The following HAUS6 variants were observed in gnomAD, a reference collection of about 807,000 sequenced individuals.
HAUS6 encodes the protein HAUS augmin-like complex subunit 6.
Under a neutral mutation model 106.8 loss-of-function variants are expected in HAUS6, and 80 were observed. That is an observed-to-expected ratio of 0.75 (90% CI 0.63 to 0.90). The LOEUF is 0.90. HAUS6 is among the 40% of genes least tolerant of loss of function. The pLI is 0.00. For missense variants in HAUS6, 1,155 were observed against 1,118.1 expected (o/e 1.03, Z -0.47); for synonymous variants, 356 against 379.1 (o/e 0.94, Z 0.71).
chr9:19,062,341 A>C (rs1035194909), intron 14 of HAUS6, among the ~76,000 whole-genome samples: 2 of 152,214 alleles, frequency 1.3e-5, no homozygotes, highest in South Asian at 2.1e-4. Flanking sequence ...GCAACAAACA[A>C]CACTGACAAA....
At chr9:19,077,392 G>A (rs561771418) in intron 10 of HAUS6, among the ~76,000 whole-genome samples, 126 of 152,220 alleles carry the variant, frequency 8.3e-4, no homozygotes, top group Non-Finnish European at 1.1e-3. Flanking sequence ...AAAATTAGCC[G>A]AGCGTGGTGG....
intron 1 of HAUS6, among the ~76,000 whole-genome samples, chr9:19,097,530 C>A (rs1817889986): frequency 6.6e-6 from 1 of 151,892 alleles, no homozygotes; most frequent in Admixed American, 6.6e-5. Context: ...CAGAGAAATG[C>A]AAATCAAAAC....
At chr9:19,081,658 T>A (rs1334832357) in intron 8 of HAUS6, among the ~76,000 whole-genome samples, 3 of 152,100 alleles carry the variant, frequency 2.0e-5, no homozygotes. Flanking sequence ...CAGGCTGGTC[T>A]CAATACCTGA....
intron 11 of HAUS6, among the ~76,000 whole-genome samples, chr9:19,075,568 T>C (rs550338175): frequency 5.3e-5 from 8 of 151,546 alleles, no homozygotes; most frequent in Non-Finnish European, 1.2e-4. Context: ...TTAAAAACAG[T>C]GCAAGTGAAA....
chr9:19,066,254 C>A (rs962161944), intron 12 of HAUS6, among the ~76,000 whole-genome samples: 2 of 151,530 alleles, frequency 1.3e-5, no homozygotes, highest in African/African-American at 2.4e-5. Context: ...ATTTATATAT[C>A]GTGGTATACA....
At chr9:19,072,936 T>A (rs1444045345) in intron 11 of HAUS6, among the ~76,000 whole-genome samples, 2 of 152,096 alleles carry the variant, frequency 1.3e-5, no homozygotes, top group Admixed American at 6.6e-5. Flanking sequence ...CCTCCCTGGA[T>A]CCTTGTTTGA....
At chr9:19,086,856 G>C (rs1837307948) in intron 6 of HAUS6, 74 bp from the exon 7 acceptor site, 3 of 703,042 alleles carry the variant, frequency 4.3e-6, no homozygotes, top group South Asian at 3.4e-5. Flanking sequence ...GAGCTAATTA[G>C]TCTGCAAATC....
intron 14 of HAUS6, among the ~76,000 whole-genome samples, chr9:19,061,278 CCT>C (rs1836612401): frequency 6.6e-6 from 1 of 152,166 alleles, no homozygotes; most frequent in African/African-American, 2.4e-5. Context: ...CTAAATATCC[CCT>C]GTCATAAACA....
chr9:19,089,428 AT>A lies in HAUS6; in HGVS notation c.567del (p.Lys189AsnfsTer16). ...ILQRQDCVTQ[K>X]YQENAQLSVK... Reference sequence around the variant, plus strand: ...ACTACTTACTGTGCATTTTCCTGATATTTTTGGGTAACACAATCTTGTCTTT... The same window carrying A: ...ACTACTTACTGTGCATTTTCCTGATATTTTGGGTAACACAATCTTGTCTTT... On this transcript the variant is annotated frameshift_variant, in exon 5 of 17. Transcript: ENST00000380502. LOFTEE classifies it high-confidence loss of function. The A allele has an allele frequency of 6.2e-7, 1 of 1,609,050 alleles. No individual in the cohort carries two copies. Among genetic ancestry groups the A allele is most frequent in the Non-Finnish European group, 8.5e-7 (1 of 1,175,428 alleles).
intron 7 of HAUS6, among the ~76,000 whole-genome samples, chr9:19,085,859 T>C (rs774082202): frequency 6.6e-6 from 1 of 152,018 alleles, no homozygotes; most frequent in African/African-American, 2.4e-5. Context: ...GGGTGGAGAA[T>C]TTCAAATTAA....
chr9:19,081,385 T>C (rs1233481918), intron 8 of HAUS6, among the ~76,000 whole-genome samples: 2 of 152,190 alleles, frequency 1.3e-5, no homozygotes. Context: ...TTTCTTTGGC[T>C]TGCACATTTC....
rs1454999122 is a variant in HAUS6 at position 19,056,235 on chromosome 9, G to C, written c.*108C>G. 2.2e-5 allele frequency: 14 copies of C among 642,614 alleles called. No homozygotes were observed. Among genetic ancestry groups the C allele is most frequent in the Middle Eastern group, 4.4e-4 (1 of 2,264 alleles). The allele number at this position is 642,614 out of a possible 1,614,324, so 39.8% of individuals were successfully genotyped here. A position where few individuals can be genotyped will look rare whatever the true frequency, so the allele number is the denominator to read the frequency against. ...GGCATTAGGAATTTTTTTAAACCTT[G>C]AAAAACAGTGTTACACTTCCAACAT... is the stretch of plus-strand genomic sequence containing the variant. On this transcript the variant is annotated 3_prime_UTR_variant, in exon 17 of 17. Coordinates refer to ENST00000380502, the MANE Select transcript of HAUS6 (RefSeq NM_017645.5).
chr9:19,094,520 G>T, intron 2 of HAUS6, 125 bp from the exon 3 acceptor site: 1 of 613,568 alleles, frequency 1.6e-6, no homozygotes, highest in African/African-American at 1.9e-5. Context: ...GGCCAAGCGC[G>T]GTGGCTCACA....
intron 5 of HAUS6, among the ~76,000 whole-genome samples, chr9:19,088,127 T>C (rs10117076): frequency 0.15 from 23,564 of 152,192 alleles, 2,315 homozygotes; most frequent in African/African-American, 0.28. Context: ...TTAAAAGTAA[T>C]ACACTGGTAG....
chr9:19,102,461 G>T lies in HAUS6; in HGVS notation c.128+63C>A, dbSNP rs1278789815. 8 of 1,555,152 alleles carry T rather than the reference G, an allele frequency of 5.1e-6. No homozygotes were observed. The South Asian group carries it at 9.2e-5, about 18-fold the overall frequency. On this transcript the variant is annotated intron_variant, in intron 1 of 16. Coordinates refer to ENST00000380502, the MANE Select transcript of HAUS6 (RefSeq NM_017645.5). ...TAATCAACCTCCGGGGTCTACAAAA[G>T]GGGGAGTCCCCCGGCGTCCCCCGGT...
At chr9:19,076,332 C>G (rs1376726331) in intron 11 of HAUS6, among the ~76,000 whole-genome samples, 1 of 151,628 alleles carries the variant, frequency 6.6e-6, no homozygotes, top group Non-Finnish European at 1.5e-5. Context: ...CCAGCTTGGG[C>G]AACAAAGTGA....
intron 16 of HAUS6, chr9:19,056,726 G>A (rs41268999): frequency 0.23 from 49,090 of 216,444 alleles, 7,087 homozygotes; most frequent in Non-Finnish European, 0.31. Flanking sequence ...TCAGCCTCCT[G>A]TGTACCTGGG....
intron 1 of HAUS6, among the ~76,000 whole-genome samples, chr9:19,098,171 C>T (rs745875966): frequency 1.1e-4 from 17 of 152,216 alleles, no homozygotes; most frequent in Non-Finnish European, 2.4e-4. Context: ...TCGGGTGCAG[C>T]GGCTCACACC....
At chr9:19,089,324 T>A in intron 5 of HAUS6, 88 bp downstream of exon 5, 1 of 800,166 alleles carries the variant, frequency 1.2e-6, no homozygotes, top group Non-Finnish European at 2.0e-6. Flanking sequence ...GGTTTTCAGG[T>A]AGGCATGGAT....
Sources: gnomAD v4.1 joint callset for allele counts (sites outside exome capture counted in the v4.1 genomes callset) on GRCh38, gnomAD v4.1.1 for gene constraint, MANE v1.5 for transcripts, NCBI Gene and HGNC (gene_info 2026-07-23, HGNC 2026-07-21) for gene names.